ZNF804B: variants seen among roughly 807,000 people sequenced by gnomAD.
ZNF804B encodes zinc finger 804B.
A neutral mutation model predicts 101.4 loss-of-function variants in ZNF804B; 80 were observed. The observed-to-expected ratio is 0.79, with a 90% confidence interval of 0.66 to 0.95. The LOEUF is 0.95. Among genes scored for constraint, ZNF804B ranks in the 40% least tolerant of loss-of-function variants. ZNF804B has a pLI of 0.00. For missense variants in ZNF804B, 1,673 were observed against 1,561.9 expected (o/e 1.07, Z -1.20); for synonymous variants, 622 against 558.8 (o/e 1.11, Z -1.59).
chr7:88,915,056 T>G (rs1173823886), intron 1 of ZNF804B, among the ~76,000 whole-genome samples: 1 of 152,132 alleles, frequency 6.6e-6, no homozygotes, highest in Non-Finnish European at 1.5e-5. Context: ...TTTTATTGAT[T>G]GATGAAACAG....
intron 1 of ZNF804B, among the ~76,000 whole-genome samples, chr7:89,026,332 G>A (rs1046189997): frequency 1.3e-5 from 2 of 152,154 alleles, no homozygotes; most frequent in African/African-American, 4.8e-5. Context: ...TTGTAATTAT[G>A]TTTGTATCAG....
chr7:89,198,484 A>T (rs1346399918), intron 1 of ZNF804B, among the ~76,000 whole-genome samples: 2 of 152,068 alleles, frequency 1.3e-5, no homozygotes, highest in Middle Eastern at 3.4e-3. Context: ...TCACATTGCA[A>T]TTAGTGAAAA....
At chr7:88,892,878 T>C (rs911054435) in intron 1 of ZNF804B, among the ~76,000 whole-genome samples, 1 of 152,198 alleles carries the variant, frequency 6.6e-6, no homozygotes, top group African/African-American at 2.4e-5. Flanking sequence ...TATATTGGTA[T>C]TGTTAGTTAT....
At chr7:89,290,352 A>G (rs1407709452) in intron 2 of ZNF804B, among the ~76,000 whole-genome samples, 1 of 152,096 alleles carries the variant, frequency 6.6e-6, no homozygotes, top group African/African-American at 2.4e-5. Context: ...CAAAGGGAAC[A>G]CTGTCTTGCA....
chr7:89,078,030 G>A (rs770142202), intron 1 of ZNF804B, among the ~76,000 whole-genome samples: 1 of 151,954 alleles, frequency 6.6e-6, no homozygotes, highest in Non-Finnish European at 1.5e-5. Flanking sequence ...TACTGTAAAG[G>A]CATTACTCTA....
At chr7:89,213,006 T>C (rs1788827602) in intron 1 of ZNF804B, among the ~76,000 whole-genome samples, 1 of 152,180 alleles carries the variant, frequency 6.6e-6, no homozygotes, top group African/African-American at 2.4e-5. Flanking sequence ...TGTAAGCTAC[T>C]TATTATTATC....
At chr7:89,069,778 A>G (rs1024917688) in intron 1 of ZNF804B, among the ~76,000 whole-genome samples, 1 of 152,188 alleles carries the variant, frequency 6.6e-6, no homozygotes, top group Non-Finnish European at 1.5e-5. Flanking sequence ...AGATGCTAGA[A>G]TTGAATAAAC....
intron 1 of ZNF804B, among the ~76,000 whole-genome samples, chr7:88,925,747 C>T (rs373177880): frequency 6.6e-6 from 1 of 151,966 alleles, no homozygotes; most frequent in Non-Finnish European, 1.5e-5. Flanking sequence ...CCATTAAACA[C>T]GGAGAGTAGA....
intron 2 of ZNF804B, among the ~76,000 whole-genome samples, chr7:89,224,773 T>C (rs542245493): frequency 6.7e-6 from 1 of 148,514 alleles, no homozygotes; most frequent in Non-Finnish European, 1.5e-5. Flanking sequence ...TGTGTGTGTA[T>C]CCTGGAATCA....
chr7:88,777,583 C>A (rs1490284199), intron 1 of ZNF804B, among the ~76,000 whole-genome samples: 4 of 152,090 alleles, frequency 2.6e-5, no homozygotes, highest in African/African-American at 9.7e-5. Flanking sequence ...TGGCTCACGC[C>A]TGTAATACCA....
At chr7:88,801,296 G>A (rs555028024) in intron 1 of ZNF804B, among the ~76,000 whole-genome samples, 36 of 151,476 alleles carry the variant, frequency 2.4e-4, no homozygotes, top group Non-Finnish European at 4.1e-4. Context: ...GTGGTGGGAG[G>A]AGAGGGGAAA....
intron 1 of ZNF804B, among the ~76,000 whole-genome samples, chr7:88,997,239 G>T (rs1237458118): frequency 6.6e-6 from 1 of 151,912 alleles, no homozygotes. Context: ...AGAGTTTGTT[G>T]TCATTTATTT....
At chr7:88,841,151 A>G (rs762193376) in intron 1 of ZNF804B, among the ~76,000 whole-genome samples, 1 of 152,166 alleles carries the variant, frequency 6.6e-6, no homozygotes, top group Non-Finnish European at 1.5e-5. Flanking sequence ...CCTTTGCCCT[A>G]GGCTTTTGGG....
chr7:89,180,203 G>GT (rs1788275829), intron 1 of ZNF804B, among the ~76,000 whole-genome samples: 1 of 152,132 alleles, frequency 6.6e-6, no homozygotes, highest in South Asian at 2.1e-4. Context: ...ATAGCAGATG[G>GT]TAAAGCCAGC....
chr7:89,176,587 C>CT lies in ZNF804B; in HGVS notation c.109-41565dup, dbSNP rs142696289. 9.2e-3 allele frequency among the ~76,000 whole-genome samples: 494 copies of CT among 53,846 alleles called. 34 individuals are homozygous for CT. The highest frequency in any genetic ancestry group is 0.028 in the African/African-American group (356 of 12,894). The allele number at this position is 53,846 out of a possible 152,430, so 35.3% of individuals were successfully genotyped here. A position where few individuals can be genotyped will look rare whatever the true frequency, so the allele number is the denominator to read the frequency against. On this transcript the variant is annotated intron_variant, in intron 1 of 3. Transcript: ENST00000333190. ...TTTTCTTTTTTTTCTTTCTTTCTTT[C>CT]TTTCTTTTTTTTTTTTTTTTTCATG...
At chr7:89,173,117 A>T (rs1791263950) in intron 1 of ZNF804B, among the ~76,000 whole-genome samples, 1 of 152,120 alleles carries the variant, frequency 6.6e-6, no homozygotes, top group African/African-American at 2.4e-5. Flanking sequence ...AGGACCTAAA[A>T]TTAATGGTAA....
intron 2 of ZNF804B, among the ~76,000 whole-genome samples, chr7:89,261,517 A>G (rs1264713661): frequency 1.3e-5 from 2 of 152,174 alleles, no homozygotes; most frequent in Non-Finnish European, 2.9e-5. Context: ...GGTCAATAGT[A>G]CACATACAGT....
intron 1 of ZNF804B, among the ~76,000 whole-genome samples, chr7:88,965,552 C>T (rs1176398035): frequency 2.6e-5 from 4 of 151,284 alleles, no homozygotes; most frequent in Non-Finnish European, 4.4e-5. Flanking sequence ...ATCACAAATA[C>T]GTCTGAGCTA....
intron 1 of ZNF804B, among the ~76,000 whole-genome samples, chr7:88,993,896 C>A (rs559005000): frequency 6.6e-6 from 1 of 152,004 alleles, no homozygotes; most frequent in Non-Finnish European, 1.5e-5. Flanking sequence ...ATTATACAGG[C>A]TCTCTCCCAA....
Sources: allele counts gnomAD v4.1 joint callset (sites outside exome capture counted in the v4.1 genomes callset), GRCh38; gene constraint gnomAD v4.1.1; transcripts MANE v1.5; gene names NCBI Gene and HGNC (gene_info 2026-07-23, HGNC 2026-07-21).